The following CLUH variants were observed in gnomAD, a reference collection of about 807,000 sequenced individuals.
CLUH encodes CLUH binding protein of NUMT mRNA.
CLUH carries 77 observed loss-of-function variants against 139.3 expected under a neutral mutation model. That is an observed-to-expected ratio of 0.55 (90% CI 0.46 to 0.67). The LOEUF (loss-of-function observed/expected upper bound fraction) is 0.67, where lower values mean the gene tolerates loss of function less well. Ranked by LOEUF, CLUH falls within the 30% of genes least tolerant of loss-of-function variation. The pLI, the probability that CLUH is intolerant of heterozygous loss-of-function variation, is 0.00. For synonymous variants in CLUH, 999 were observed against 801.6 expected, an observed-to-expected ratio of 1.25 and a Z score of -4.16; for missense variants, 1,876 against 1,875.8, an observed-to-expected ratio of 1.00 and a Z score of 0.00.
Position 2,696,871 on chromosome 17 carries a change from G to C in CLUH, c.2033C>G (p.Ser678Cys). ...QQNASQLETP[S>C]SLENGGPSSL... is the part of the protein sequence containing the mutation. ...GGAAGGACCACCATTTTCCAGGGAG[G>C]AGGGGGTCTCCAGCTGGCTGGCGTT... is the stretch of plus-strand genomic sequence containing the variant. Residue 678 changes from serine to cysteine, a missense_variant, in exon 11 of 26, where the codon TCC becomes TGC. By Grantham distance (112) the Ser-to-Cys change is moderately radical. Around this residue, in one of 3 missense-constraint regions of CLUH, gnomAD observed 1,454 missense variants for 1,384.4 expected, o/e 1.05. Coordinates refer to ENST00000651024, the MANE Select transcript of CLUH (RefSeq NM_001366661.1). The C allele has an allele frequency of 6.2e-7, 1 of 1,613,178 alleles. No individual in the cohort carries two copies. The highest frequency in any genetic ancestry group is 8.5e-7 in the Non-Finnish European group (1 of 1,179,748).
In CLUH at chr17:2,692,238, G is replaced by C. The variant is rs1007960909; in HGVS notation, c.3560+123C>G. 9.1e-6 allele frequency: 13 copies of C among 1,435,732 alleles called. No individual in the cohort carries two copies. In the African/African-American group the frequency reaches 1.8e-4, roughly 20 times the overall value. 88.9% of individuals were successfully genotyped at this position (1,435,732 alleles called of 1,614,324 possible). A position where few individuals can be genotyped will look rare whatever the true frequency, so the allele number is the denominator to read the frequency against. On this transcript the variant is annotated intron_variant, in intron 22 of 25. Coordinates refer to ENST00000651024, the MANE Select transcript of CLUH (RefSeq NM_001366661.1). The stretch of plus-strand genomic sequence containing the variant: ...CAGCAAGTCCAGGGCTCAGGGAAGA[G>C]GGGGAGGTCGAGAGAAATTTTCTCG...
intron 1 of CLUH, among the ~76,000 whole-genome samples, chr17:2,708,727 C>T (rs1323282626): frequency 1.3e-5 from 2 of 151,936 alleles, no homozygotes; most frequent in African/African-American, 2.4e-5. Context: ...CTGCTCCCGC[C>T]GACCCGCTCC....
Position 2,696,915 on chromosome 17 carries a change from G to A in CLUH, c.1989C>T (p.Ala663=), listed in dbSNP as rs780345245. 2 of 1,603,974 alleles carry A rather than the reference G, an allele frequency of 1.2e-6. No homozygotes were observed. The highest frequency in any genetic ancestry group is 1.1e-5 in the South Asian group (1 of 89,528). The part of the protein sequence containing the change: ...HRYLLFMKLA[A]LQLMQQNASQ... ...TGGCGTTCTGCTGCATCAGCTGCAA[G>A]GCGGCCAGCTTCATAAAGAGGAGGT... Residue 663 remains alanine (A), a synonymous_variant, in exon 11 of 26, where the codon GCC becomes GCT. Transcript: ENST00000651024.
chr17:2,690,906 G>A (rs951058950), intron 25 of CLUH, 129 bp from the exon 26 acceptor site: 24 of 684,094 alleles, frequency 3.5e-5, no homozygotes, highest in South Asian at 4.7e-5. Context: ...GTGAACAAGC[G>A]CTTCCCTCCT....
rs1567576020 is a variant in CLUH at position 2,691,975 on chromosome 17, CCCGCCCCCGCCACGCCCCCGCCG to C, written c.3654+6_3654+28del. The C allele has an allele frequency of 3.4e-6, 2 of 596,740 alleles. 1 individual carries two copies. Among genetic ancestry groups the C allele is most frequent in the East Asian group, 2.6e-4 (2 of 7,806 alleles). 37.0% of individuals were successfully genotyped at this position (596,740 alleles called of 1,614,324 possible). Reference sequence around the variant, plus strand: ...CGCCCCGCCACGCCCCCGCCCCGCCCCCGCCCCCGCCACGCCCCCGCCGCGCACCTGCGTCTTGTAGATGGTGT... The same window carrying C: ...CGCCCCGCCACGCCCCCGCCCCGCCCCGCACCTGCGTCTTGTAGATGGTGT... On this transcript the variant is annotated splice_donor_region_variant and intron_variant, in intron 23 of 25. Transcript: ENST00000651024.
Position 2,706,108 on chromosome 17 carries a change from C to T in CLUH, c.101-1544G>A, listed in dbSNP as rs2070342066. Among the ~76,000 whole-genome samples the T allele has an allele frequency of 6.6e-6, 1 of 152,162 alleles. No individual in the cohort carries two copies. The highest frequency in any genetic ancestry group is 2.4e-5 in the African/African-American group (1 of 41,430). On this transcript the variant is annotated intron_variant, in intron 1 of 25. Coordinates refer to ENST00000651024, the MANE Select transcript of CLUH (RefSeq NM_001366661.1). This position sits in a 1 kb window ranked among gnomAD's most constrained non-coding sequence, Gnocchi z 4.6. ...CTCTGCCCATCCCATCTAGACCCCA[C>T]CTCCCCTTCCCCACCCGGCTCTCAG...
In CLUH at chr17:2,696,028, G is replaced by C. The variant is rs2069927141; in HGVS notation, c.2391+131C>G. The C allele has an allele frequency of 5.5e-6, 4 of 729,930 alleles. No individual in the cohort carries two copies. In the Admixed American group the frequency reaches 9.5e-5, roughly 17 times the overall value. The allele number at this position is 729,930 out of a possible 1,614,324, so 45.2% of individuals were successfully genotyped here. On this transcript the variant is annotated intron_variant, in intron 13 of 25. Coordinates refer to ENST00000651024, the MANE Select transcript of CLUH (RefSeq NM_001366661.1). ...GTCAGGCTCCCCATCTGTCAAACGGGGATGCCCACTCAGGGAAAGCTGAAA... is the reference window on the plus strand; with the variant it reads ...GTCAGGCTCCCCATCTGTCAAACGGCGATGCCCACTCAGGGAAAGCTGAAA...
Position 2,700,845 on chromosome 17 carries a change from G to C in CLUH, c.1026-20C>G. Reference sequence around the variant, plus strand: ...TGGACCCTGTGGCAGGCAGGGGAGGGGGAGATGGGGCAGCCCACCAAGCTC... The same window carrying C: ...TGGACCCTGTGGCAGGCAGGGGAGGCGGAGATGGGGCAGCCCACCAAGCTC... On this transcript the variant is annotated intron_variant, in intron 7 of 25. Coordinates refer to ENST00000651024, the MANE Select transcript of CLUH (RefSeq NM_001366661.1). The C allele has an allele frequency of 6.6e-7, 1 of 1,508,126 alleles. No homozygotes were observed. 93.4% of individuals were successfully genotyped at this position (1,508,126 alleles called of 1,614,324 possible). A position where few individuals can be genotyped will look rare whatever the true frequency, so the allele number is the denominator to read the frequency against.
Position 2,690,329 on chromosome 17 carries a change from GC to G in CLUH, c.*264del, listed in dbSNP as rs565935821. 9.9e-6 allele frequency: 4 copies of G among 402,532 alleles called. No homozygotes were observed. Among genetic ancestry groups the G allele is most frequent in the South Asian group, 8.3e-5 (1 of 12,064 alleles). 24.9% of individuals were successfully genotyped at this position (402,532 alleles called of 1,614,324 possible). Reference sequence around the variant, plus strand: ...GACGGCGGGGGCCGAAGCAACACCTGCCCCCCAGCCGGGAACTGATGGCCGC... The same window carrying G: ...GACGGCGGGGGCCGAAGCAACACCTGCCCCCAGCCGGGAACTGATGGCCGC... On this transcript the variant is annotated 3_prime_UTR_variant, in exon 26 of 26. Transcript: ENST00000651024.
At chr17:2,692,177 T>C (rs983441166) in intron 22 of CLUH, 80 bp from the exon 23 acceptor site, 1 of 1,454,764 alleles carries the variant, frequency 6.9e-7, no homozygotes, top group South Asian at 1.2e-5. Flanking sequence ...GCCCGGGGTC[T>C]CCCGTAGATC....
chr17:2,691,160 G>C (rs1422975400), intron 25 of CLUH, among the ~76,000 whole-genome samples: 1 of 152,144 alleles, frequency 6.6e-6, no homozygotes, highest in Non-Finnish European at 1.5e-5. Context: ...GGGAAGCGTG[G>C]GGAGGGAATG....
intron 16 of CLUH, 71 bp downstream of exon 16, chr17:2,694,786 A>C: frequency 6.9e-7 from 1 of 1,458,038 alleles, no homozygotes; most frequent in Non-Finnish European, 9.1e-7. Flanking sequence ...CTTAGACGCC[A>C]TCTGGGAGCA....
intron 19 of CLUH, among the ~76,000 whole-genome samples, chr17:2,693,327 T>C (rs1052977627): frequency 1.4e-4 from 21 of 151,766 alleles, no homozygotes; most frequent in Non-Finnish European, 2.9e-4. Context: ...GCCCAGGAGG[T>C]TGAGGCTGCA....
In CLUH at chr17:2,691,547, C is replaced by G; in HGVS notation, c.3863+62G>C. ...CCGCACTCCAGCCCGGGTGACAGGG[C>G]GAGACTCCGACTCACAAAAAACCCC... On this transcript the variant is annotated intron_variant, in intron 25 of 25. Coordinates refer to ENST00000651024, the MANE Select transcript of CLUH (RefSeq NM_001366661.1). 4 of 1,522,450 alleles carry G rather than the reference C, an allele frequency of 2.6e-6. No homozygotes were observed. In the Admixed American group the frequency reaches 5.5e-5, roughly 21 times the overall value. 94.3% of individuals were successfully genotyped at this position (1,522,450 alleles called of 1,614,324 possible).
At chr17:2,692,739 G>C in intron 20 of CLUH, 41 bp downstream of exon 20, 1 of 1,600,894 alleles carries the variant, frequency 6.2e-7, no homozygotes, top group Non-Finnish European at 8.5e-7. Flanking sequence ...CGCGGACCCA[G>C]CCCCTCGCAT....
Position 2,692,863 on chromosome 17 carries a change from G to C in CLUH, c.3232-3C>G. ...GCCTTCTGCTGGTTACTCAGGGCCTGGGGAGAGACAGTGGTGGTTGCCGCG... is the reference window on the plus strand; with the variant it reads ...GCCTTCTGCTGGTTACTCAGGGCCTCGGGAGAGACAGTGGTGGTTGCCGCG... On this transcript the variant is annotated splice_region_variant and splice_polypyrimidine_tract_variant and intron_variant, in intron 19 of 25. Coordinates refer to ENST00000651024, the MANE Select transcript of CLUH (RefSeq NM_001366661.1). The C allele has an allele frequency of 6.3e-7, 1 of 1,586,844 alleles. No individual in the cohort carries two copies. The highest frequency in any genetic ancestry group is 8.6e-7 in the Non-Finnish European group (1 of 1,164,176).
At chr17:2,695,950 G>A in intron 13 of CLUH, 1 of 595,556 alleles carries the variant, frequency 1.7e-6, no homozygotes, top group Non-Finnish European at 3.0e-6. Context: ...TGGATTACCA[G>A]CTGCCAGCCC....
chr17:2,699,300 TATC>T (rs1349851203), intron 9 of CLUH, among the ~76,000 whole-genome samples: 2 of 152,200 alleles, frequency 1.3e-5, no homozygotes, highest in Non-Finnish European at 2.9e-5. Flanking sequence ...TTTCTACAAT[TATC>T]ATCTCTAGGC....
rs1371186617 is a variant in CLUH at position 2,704,194 on chromosome 17, C to A, written c.303+168G>T. The stretch of plus-strand genomic sequence containing the variant: ...TGGGGCAACGACCTGACCCTGGGCT[C>A]GATTCCCACGTCCACCACGCTAGCT... On this transcript the variant is annotated intron_variant, in intron 2 of 25. Coordinates refer to ENST00000651024, the MANE Select transcript of CLUH (RefSeq NM_001366661.1). The surrounding 1 kb of genome is among the most constrained non-coding windows in gnomAD (Gnocchi z 5.7). Among the ~76,000 whole-genome samples, 4 of 152,126 alleles carry A rather than the reference C, an allele frequency of 2.6e-5. No individual in the cohort carries two copies. In the South Asian group the frequency reaches 8.3e-4, roughly 31 times the overall value.
Sources: gnomAD v4.1 joint callset for allele counts (sites outside exome capture counted in the v4.1 genomes callset) on GRCh38, gnomAD v4.1.1 for gene constraint, gnomAD v4.1.1 regional missense constraint, Gnocchi (gnomAD v3.1) non-coding constraint, MANE v1.5 for transcripts, NCBI Gene and HGNC (gene_info 2026-07-23, HGNC 2026-07-21) for gene names.